Variants in CYFIP1 observed in about 807,000 individuals in gnomAD.
The protein encoded by CYFIP1 is cytoplasmic FMR1 interacting protein 1.
CYFIP1 carries 58 observed loss-of-function variants against 163.5 expected under a neutral mutation model. The ratio of observed to expected loss-of-function variants is 0.35; its 90% CI spans 0.29 to 0.44. CYFIP1 has a LOEUF of 0.44. Among genes scored for constraint, CYFIP1 ranks in the 20% least tolerant of loss-of-function variants. CYFIP1 has a pLI of 1.00. For missense variants in CYFIP1, 1,338 were observed against 1,653.8 expected, an observed-to-expected ratio of 0.81 and a Z score of 3.31; for synonymous variants, 663 against 660.7, an observed-to-expected ratio of 1.00 and a Z score of -0.05.
intron 10 of CYFIP1, among the ~76,000 whole-genome samples, 199 bp downstream of exon 10, chr15:22,933,603 C>A (rs895436725): frequency 6.6e-6 from 1 of 152,166 alleles, no homozygotes; most frequent in Non-Finnish European, 1.5e-5. Context: ...CGTGAGCCAC[C>A]GCGCCCGGCC....
intron 23 of CYFIP1, among the ~76,000 whole-genome samples, chr15:22,886,389 C>T (rs531010142): frequency 6.6e-6 from 1 of 152,284 alleles, no homozygotes; most frequent in Admixed American, 6.5e-5. Flanking sequence ...TCCCTCTCAG[C>T]ACTTTAGCTG....
chr15:22,932,871 C>T (rs1164434877), intron 10 of CYFIP1, among the ~76,000 whole-genome samples: 1 of 152,098 alleles, frequency 6.6e-6, no homozygotes, highest in Non-Finnish European at 1.5e-5. Flanking sequence ...GCTCTCTTGC[C>T]CAGGCTGGAC....
rs74003084 is a variant in CYFIP1 at position 22,880,779 on chromosome 15, C to G, written c.2912-736G>C. On this transcript the variant is annotated intron_variant, in intron 25 of 30. Transcript: ENST00000617928. ...GCCCCTTCCCCAAGGACCAGCGGCC[C>G]GACACGGCCCCTCTGCTCCTCCCAG... Among the ~76,000 whole-genome samples, 1,207 of 152,252 alleles carry G rather than the reference C, an allele frequency of 7.9e-3. 14 individuals are homozygous for G. Among genetic ancestry groups the G allele is most frequent in the African/African-American group, 0.028 (1,157 of 41,518 alleles).
rs150566440 is a variant in CYFIP1, at chr15:22,926,771, G to A, written c.1234-664C>T. 1.8e-4 allele frequency among the ~76,000 whole-genome samples: 27 copies of A among 152,300 alleles called. No homozygotes were observed. The East Asian group carries it at 5.2e-3, about 29-fold the overall frequency. On this transcript the variant is annotated intron_variant, in intron 12 of 30. Transcript: ENST00000617928. ...CGACATTAATGGGTACAAATGTACA[G>A]TCTGATATTAGAAATAAGACAGTGT...
At position 22,927,483 on chromosome 15, in the gene CYFIP1, CAAAAA is replaced by C. The variant is rs1188331935; in HGVS notation, c.1233+418_1233+422del. Among the ~76,000 whole-genome samples, 20 of 57,490 alleles carry C rather than the reference CAAAAA, an allele frequency of 3.5e-4. No individual in the cohort carries two copies. The East Asian group carries it at 9.8e-3, about 28-fold the overall frequency. 37.7% of individuals were successfully genotyped at this position (57,490 alleles called of 152,430 possible). A position where few individuals can be genotyped will look rare whatever the true frequency, so the allele number is the denominator to read the frequency against. ...GGGCAACAAGAGCGAAACTCCGTCT[CAAAAA>C]AAAAAAAAAAAAAAAAAAATTAGCC... On this transcript the variant is annotated intron_variant, in intron 12 of 30. Transcript: ENST00000617928.
rs191192581 is a variant in CYFIP1 at position 22,966,259 on chromosome 15, G to A, written c.-7+14028C>T. On this transcript the variant is annotated intron_variant, in intron 1 of 30. Coordinates refer to ENST00000617928, the MANE Select transcript of CYFIP1 (RefSeq NM_014608.6). ...ATCCCAGCTACACACTGAAATCCCA[G>A]CTACTCAGAAGGCTGAGGCAGGAGA... Among the ~76,000 whole-genome samples the A allele has an allele frequency of 1.4e-3, 213 of 151,804 alleles. 3 individuals carry two copies. The highest frequency in any genetic ancestry group is 5.1e-3 in the African/African-American group (209 of 41,364).
intron 22 of CYFIP1, among the ~76,000 whole-genome samples, chr15:22,893,179 C>G (rs753889697): frequency 6.6e-6 from 1 of 152,174 alleles, no homozygotes; most frequent in Non-Finnish European, 1.5e-5. Context: ...ACCCAAAGCT[C>G]AGGGGCCACA....
At chr15:22,899,832 G>A (rs1003746153) in intron 22 of CYFIP1, among the ~76,000 whole-genome samples, 1 of 152,144 alleles carries the variant, frequency 6.6e-6, no homozygotes, top group Non-Finnish European at 1.5e-5. Context: ...TGGATCACCT[G>A]AGGTTGGGAA....
In CYFIP1 at chr15:22,916,761, C is replaced by A. The variant is rs769605943; in HGVS notation, c.1675-131G>T. ...GTCGGGAGGGCCCCGCACCAGCTCC[C>A]CGAGGGGTCCGGGTGCCTGTCTACG... On this transcript the variant is annotated intron_variant, in intron 15 of 30. Coordinates refer to ENST00000617928, the MANE Select transcript of CYFIP1 (RefSeq NM_014608.6). 2.5e-6 allele frequency: 4 copies of A among 1,605,968 alleles called. No homozygotes were observed. In the South Asian group the frequency reaches 4.4e-5, roughly 18 times the overall value.
intron 30 of CYFIP1, among the ~76,000 whole-genome samples, chr15:22,872,052 G>A (rs905888042): frequency 6.6e-6 from 1 of 152,054 alleles, no homozygotes; most frequent in African/African-American, 2.4e-5. Flanking sequence ...TTGGGAGGTG[G>A]GCGGATCACC....
At position 22,870,061 on chromosome 15, in the gene CYFIP1, C is replaced by T. The variant is rs1280491232; in HGVS notation, c.3729G>A (p.Gln1243=). ...TGGCGAGGGACTGGTGGATGGGCGG[C>T]TGGAAGCAGCGCACATGCTCCACTG... ...GTPVEHVRCF[Q]PPIHQSLASS The change falls in exon 31 of 31, where the codon CAG becomes CAA. Residue 1243 remains glutamine, a synonymous_variant. Coordinates refer to ENST00000617928, the MANE Select transcript of CYFIP1 (RefSeq NM_014608.6). 5 of 1,609,362 alleles carry T rather than the reference C, an allele frequency of 3.1e-6. No individual in the cohort carries two copies. The African/African-American group carries it at 5.4e-5, about 17-fold the overall frequency.
rs199811708 is a variant in CYFIP1 at position 22,909,298 on chromosome 15, T to C, written c.2284A>G (p.Ile762Val). The C allele has an allele frequency of 8.1e-6, 13 of 1,614,154 alleles. No homozygotes were observed. The East Asian group carries it at 2.5e-4, about 30-fold the overall frequency. ...TGGGTGATCAGACGATTGAGGTCTATTGATCTGCCGAGGAGCTGGCGTACA... is the reference window on the plus strand; with the variant it reads ...TGGGTGATCAGACGATTGAGGTCTACTGATCTGCCGAGGAGCTGGCGTACA... ...QRHVQLLGRS[I>V]DLNRLITQRV... The change falls in exon 21 of 31, where the codon ATA (isoleucine) becomes GTA (valine). Residue 762 changes from isoleucine to valine, a missense_variant. Ile to Val is a conservative substitution (Grantham distance 29, BLOSUM62 3). Around this residue, in one of 4 missense-constraint regions of CYFIP1, gnomAD observed 824 missense variants for 995.7 expected, o/e 0.83. Coordinates refer to ENST00000617928, the MANE Select transcript of CYFIP1 (RefSeq NM_014608.6).
intron 1 of CYFIP1, among the ~76,000 whole-genome samples, chr15:22,971,499 C>A (rs1289632315): frequency 1.3e-5 from 2 of 152,024 alleles, no homozygotes; most frequent in Non-Finnish European, 2.9e-5. Context: ...ATGCAGAAAC[C>A]CTATCTCTGC....
chr15:22,883,720 G>A (rs2059845389), intron 23 of CYFIP1, among the ~76,000 whole-genome samples: 2 of 151,028 alleles, frequency 1.3e-5, no homozygotes, highest in Admixed American at 6.6e-5. Context: ...GGGAGGCTGA[G>A]GCAGGAGAAT....
chr15:22,942,945 C>T (rs896368275), intron 6 of CYFIP1, among the ~76,000 whole-genome samples: 6 of 152,208 alleles, frequency 3.9e-5, no homozygotes, highest in Admixed American at 6.5e-5. Flanking sequence ...AGCCAGGGCA[C>T]GAAGAGCCTG....
At chr15:22,953,318 G>C (rs1412993862) in intron 1 of CYFIP1, among the ~76,000 whole-genome samples, 2 of 151,998 alleles carry the variant, frequency 1.3e-5, no homozygotes, top group East Asian at 3.8e-4. Context: ...ACTCCTCACA[G>C]TTCCACCTCC....
chr15:22,929,779 C>A (rs1347507881), intron 11 of CYFIP1, among the ~76,000 whole-genome samples: 2 of 143,334 alleles, frequency 1.4e-5, no homozygotes, highest in African/African-American at 5.2e-5. Context: ...ACTAAAAATA[C>A]AAAAAAATTA....
At chr15:22,907,064 G>A (rs79005219) in intron 21 of CYFIP1, among the ~76,000 whole-genome samples, 3,305 of 152,136 alleles carry the variant, frequency 0.022, 140 homozygotes, top group African/African-American at 0.074. Flanking sequence ...GCTCCCCTCC[G>A]CCATGATCCT....
At chr15:22,927,238 G>C (rs917626649) in intron 12 of CYFIP1, among the ~76,000 whole-genome samples, 15 of 152,046 alleles carry the variant, frequency 9.9e-5, no homozygotes, top group Non-Finnish European at 7.4e-5. Context: ...CTAGCACTTT[G>C]GGAGACTGAG....
Sources: allele counts gnomAD v4.1 joint callset (sites outside exome capture counted in the v4.1 genomes callset), GRCh38; gene constraint gnomAD v4.1.1; regional missense constraint gnomAD v4.1.1; transcripts MANE v1.5; gene names NCBI Gene and HGNC (gene_info 2026-07-23, HGNC 2026-07-21).